KCNQ1: variants seen among roughly 807,000 people sequenced by gnomAD.
KCNQ1 encodes potassium voltage-gated channel subfamily Q member 1.
KCNQ1 carries 49 observed loss-of-function variants against 72.4 expected under a neutral mutation model. The ratio of observed to expected loss-of-function variants is 0.68; its 90% CI spans 0.54 to 0.86. KCNQ1 has a LOEUF of 0.86. KCNQ1 is among the 40% of genes least tolerant of loss of function. The probability of loss-of-function intolerance (pLI) is 0.00; values close to 1 mark genes in which losing one functional copy is unlikely to be tolerated. For missense variants in KCNQ1, 790 were observed against 945.1 expected (o/e 0.84, Z 2.15); for synonymous variants, 450 against 412.6 (o/e 1.09, Z -1.10).
chr11:2,732,963 T>C (rs1387448121), intron 11 of KCNQ1, among the ~76,000 whole-genome samples: 2 of 152,042 alleles, frequency 1.3e-5, no homozygotes, highest in Admixed American at 1.3e-4. Context: ...TGCTGGGGGC[T>C]GGTGACCACC....
chr11:2,835,085 C>CGGGGGCT (rs1454791701), intron 15 of KCNQ1, among the ~76,000 whole-genome samples: 1 of 152,044 alleles, frequency 6.6e-6, no homozygotes, highest in Non-Finnish European at 1.5e-5. Flanking sequence ...GGTGCAGGCC[C>CGGGGGCT]GGGGGCTGGG....
At position 2,463,164 on chromosome 11, in the gene KCNQ1, C is replaced by T. The variant is rs944243008; in HGVS notation, c.386+17680C>T. On this transcript the variant is annotated intron_variant, in intron 1 of 15. Transcript: ENST00000155840. This position sits in a 1 kb window ranked among gnomAD's most constrained non-coding sequence, Gnocchi z 7.0. ...TGCTTGGTCAGAGTGGGGAACTGGA[C>T]GCTCCGTCCCTGGCTCAGCCTCTCC... Among the ~76,000 whole-genome samples the T allele has an allele frequency of 4.6e-5, 7 of 152,052 alleles. No individual in the cohort carries two copies. Among genetic ancestry groups the T allele is most frequent in the South Asian group, 2.1e-4 (1 of 4,828 alleles).
At position 2,477,023 on chromosome 11, in the gene KCNQ1, A is replaced by G. The variant is rs2133606258; in HGVS notation, c.386+31539A>G. ...ATGTGACAGTACTTTGTAAAATTGT[A>G]CTCCAGTGAATTTGAAAAATGTTGT... On this transcript the variant is annotated intron_variant, in intron 1 of 15. Transcript: ENST00000155840. The surrounding 1 kb of genome is among the most constrained non-coding windows in gnomAD (Gnocchi z 5.0). 6.6e-6 allele frequency among the ~76,000 whole-genome samples: 1 copy of G among 152,298 alleles called. No individual in the cohort carries two copies. Among genetic ancestry groups the G allele is most frequent in the Non-Finnish European group, 1.5e-5 (1 of 68,032 alleles).
At chr11:2,807,447 G>C (rs936595088) in intron 15 of KCNQ1, among the ~76,000 whole-genome samples, 1 of 152,114 alleles carries the variant, frequency 6.6e-6, no homozygotes, top group African/African-American at 2.4e-5. Context: ...GGGCCTCCTC[G>C]CCCCCCCACT....
In KCNQ1 at chr11:2,601,190, G is replaced by A. The variant is rs1323054874; in HGVS notation, c.1393+12336G>A. ...TTTCCAACTCTAGCACCCCTTCCAC[G>A]AAAGTACAGAAAGAAAAAAAAATAC... is the stretch of plus-strand genomic sequence containing the variant. On this transcript the variant is annotated intron_variant, in intron 10 of 15. Coordinates refer to ENST00000155840, the MANE Select transcript of KCNQ1 (RefSeq NM_000218.3). The surrounding 1 kb of genome is among the most constrained non-coding windows in gnomAD (Gnocchi z 5.2). Among the ~76,000 whole-genome samples the A allele has an allele frequency of 6.6e-6, 1 of 151,556 alleles. No homozygotes were observed. Among genetic ancestry groups the A allele is most frequent in the Non-Finnish European group, 1.5e-5 (1 of 67,946 alleles).
Position 2,497,828 on chromosome 11 carries a change from T to C in KCNQ1, c.387-30100T>C, listed in dbSNP as rs1254182580. ...TTTATCTGCCTTTGCTCTTTGAGGC[T>C]GATGACCTTTGGATGGGGTTTTTGT... On this transcript the variant is annotated intron_variant, in intron 1 of 15. Coordinates refer to ENST00000155840, the MANE Select transcript of KCNQ1 (RefSeq NM_000218.3). The surrounding 1 kb of genome is among the most constrained non-coding windows in gnomAD (Gnocchi z 4.5). 6.6e-6 allele frequency among the ~76,000 whole-genome samples: 1 copy of C among 152,232 alleles called. No homozygotes were observed. The highest frequency in any genetic ancestry group is 2.4e-5 in the African/African-American group (1 of 41,466).
chr11:2,843,193 C>T (rs961298490), intron 15 of KCNQ1, among the ~76,000 whole-genome samples: 24 of 152,232 alleles, frequency 1.6e-4, no homozygotes, highest in African/African-American at 5.5e-4. Flanking sequence ...AGAACTGAAG[C>T]ACTAAAGCAA....
rs565853703 is a variant in KCNQ1 at position 2,723,363 on chromosome 11, G to T, written c.1515-45481G>T. 1.3e-5 allele frequency among the ~76,000 whole-genome samples: 2 copies of T among 152,204 alleles called. No individual in the cohort carries two copies. Among genetic ancestry groups the T allele is most frequent in the Non-Finnish European group, 2.9e-5 (2 of 68,028 alleles). On this transcript the variant is annotated intron_variant, in intron 11 of 15. Coordinates refer to ENST00000155840, the MANE Select transcript of KCNQ1 (RefSeq NM_000218.3). This position sits in a 1 kb window ranked among gnomAD's most constrained non-coding sequence, Gnocchi z 4.2. ...CTCAAGACTCCTAGCAAGCCCCTCC[G>T]TCTCAGAGCCTTGGTGTCCCCATCT...
intron 11 of KCNQ1, chr11:2,696,220 C>G (rs1850673758): frequency 2.5e-6 from 1 of 398,494 alleles, no homozygotes; most frequent in Admixed American, 4.4e-5. Flanking sequence ...CATTTTTTCT[C>G]CTATTAAACA....
In KCNQ1 at chr11:2,762,472, C is replaced by A. The variant is rs1036047141; in HGVS notation, c.1515-6372C>A. ...TTTATTGAAAAGCGTATCCTTCCGC[C>A]AGCTCGACGGCAAAGGCGTCTTTTC... On this transcript the variant is annotated intron_variant, in intron 11 of 15. Transcript: ENST00000155840. The surrounding 1 kb of genome is among the most constrained non-coding windows in gnomAD (Gnocchi z 4.3). Among the ~76,000 whole-genome samples, 2 of 152,194 alleles carry A rather than the reference C, an allele frequency of 1.3e-5. No homozygotes were observed. The highest frequency in any genetic ancestry group is 2.9e-5 in the Non-Finnish European group (2 of 68,040).
At chr11:2,644,224 A>G in intron 10 of KCNQ1, 1 of 398,420 alleles carries the variant, frequency 2.5e-6, no homozygotes, top group East Asian at 3.6e-5. Context: ...GGGACACTGA[A>G]GGTGTCACCT....
chr11:2,570,797 G>A (rs1256560021), intron 3 of KCNQ1, 43 bp downstream of exon 3: 2 of 1,603,772 alleles, frequency 1.2e-6, no homozygotes. Flanking sequence ...CAGGTTTCCA[G>A]ACCAGGAAGG....
chr11:2,802,952 C>G (rs1454073205), intron 15 of KCNQ1, among the ~76,000 whole-genome samples: 2 of 152,230 alleles, frequency 1.3e-5, no homozygotes, highest in African/African-American at 2.4e-5. Flanking sequence ...GTGGGCTAGA[C>G]AGTGCCCTGG....
At chr11:2,714,217 C>T (rs548174338) in intron 11 of KCNQ1, among the ~76,000 whole-genome samples, 2 of 152,348 alleles carry the variant, frequency 1.3e-5, no homozygotes, top group South Asian at 4.1e-4. Context: ...GGGAGCATTC[C>T]AGCATTCCGC....
chr11:2,630,563 G>C (rs1246953744), intron 10 of KCNQ1: 1 of 398,050 alleles, frequency 2.5e-6, no homozygotes. Flanking sequence ...GAAAACAATA[G>C]TAATTTTTAA....
intron 12 of KCNQ1, among the ~76,000 whole-genome samples, chr11:2,773,530 C>A (rs113246686): frequency 0.048 from 7,065 of 146,518 alleles, 342 homozygotes; most frequent in East Asian, 0.21. Flanking sequence ...GGCTCAGCAT[C>A]CCATCTTACA....
rs1199984012 is a variant in KCNQ1, at chr11:2,762,206, C to T, written c.1515-6638C>T. Among the ~76,000 whole-genome samples, 17 of 152,220 alleles carry T rather than the reference C, an allele frequency of 1.1e-4. No individual in the cohort carries two copies. Among genetic ancestry groups the T allele is most frequent in the Admixed American group, 7.9e-4 (12 of 15,286 alleles). ...GAGGGGGGCCTTCATGAGACCATCA[C>T]GGAGATCTTGGGGCCTCCAATTTGT... On this transcript the variant is annotated intron_variant, in intron 11 of 15. Transcript: ENST00000155840. The surrounding 1 kb of genome is among the most constrained non-coding windows in gnomAD (Gnocchi z 4.3).
chr11:2,445,607 A>G (rs1439331669), intron 1 of KCNQ1, 123 bp downstream of exon 1: 1 of 1,172,716 alleles, frequency 8.5e-7, no homozygotes, highest in Non-Finnish European at 1.2e-6. Flanking sequence ...GAGGGAAGGA[A>G]GTGGGGAAAC....
chr11:2,584,334 T>C (rs1554894586), intron 7 of KCNQ1, among the ~76,000 whole-genome samples: 1 of 152,178 alleles, frequency 6.6e-6, no homozygotes, highest in Non-Finnish European at 1.5e-5. Flanking sequence ...TTAGTGTTTG[T>C]GTGTTAGTGT....
Sources: allele counts gnomAD v4.1 joint callset (sites outside exome capture counted in the v4.1 genomes callset), GRCh38; gene constraint gnomAD v4.1.1; non-coding constraint Gnocchi (gnomAD v3.1); transcripts MANE v1.5; gene names NCBI Gene and HGNC (gene_info 2026-07-23, HGNC 2026-07-21).